NDUFC1: variants seen among roughly 807,000 people sequenced by gnomAD.
NDUFC1 encodes NADH:ubiquinone oxidoreductase subunit C1.
In NDUFC1, 11 loss-of-function variants were observed where a neutral mutation model predicts 11.6. The observed-to-expected ratio is 0.95, with a 90% CI of 0.60 to 1.58. The LOEUF is 1.58. NDUFC1 is among the 40% of genes most tolerant of loss of function. The pLI, the probability that NDUFC1 is intolerant of heterozygous loss-of-function variation, is 0.00. For missense variants in NDUFC1, 112 were observed against 93.0 expected, an observed-to-expected ratio of 1.20 and a Z score of -0.84; for synonymous variants, 52 against 42.2, an observed-to-expected ratio of 1.23 and a Z score of -0.90.
At position 139,295,148 on chromosome 4, in the gene NDUFC1, T is replaced by C. The variant is rs1381939813; in HGVS notation, c.68-2A>G. On this transcript the variant is annotated splice_acceptor_variant, in intron 3 of 5. Coordinates refer to ENST00000394223, the MANE Select transcript of NDUFC1 (RefSeq NM_001184989.2). LOFTEE classifies it high-confidence loss of function. ...CGTAGAACTTTGATCGCACTGAAGC[T>C]GAAAGGGGAAGAGGGTCTGTAAATT... The C allele has an allele frequency of 1.9e-6, 3 of 1,613,216 alleles. No individual in the cohort carries two copies. The African/African-American group carries it at 4.0e-5, about 22-fold the overall frequency.
chr4:139,293,072 G>C (rs1329901702), intron 4 of NDUFC1, among the ~76,000 whole-genome samples: 1 of 152,010 alleles, frequency 6.6e-6, no homozygotes, highest in East Asian at 1.9e-4. Flanking sequence ...CACCCGCCTC[G>C]GCCTCCCAAA....
chr4:139,302,140 T>A, intron 1 of NDUFC1: 3 of 318,748 alleles, frequency 9.4e-6, no homozygotes, highest in Non-Finnish European at 1.7e-5. Context: ...AGGCCCGGCC[T>A]TTGGCGGGCA....
rs370080154 is a variant in NDUFC1, at chr4:139,292,085, C to T, written c.*20+445G>A. ...ATCTCCTGACCTTGTGATCCACCCG[C>T]CTCGGCCTCCCAAAGTGCTGGGATT... is the stretch of plus-strand genomic sequence containing the variant. On this transcript the variant is annotated intron_variant, in intron 5 of 5. Transcript: ENST00000394223. 4.7e-4 allele frequency among the ~76,000 whole-genome samples: 71 copies of T among 152,284 alleles called. 2 individuals carry two copies. The East Asian group carries it at 6.2e-3, about 13-fold the overall frequency.
Position 139,295,145 on chromosome 4 carries a change from A to C in NDUFC1, c.69T>G (p.Pro23=), listed in dbSNP as rs907935396. Residue 23 remains proline (P), a splice_region_variant and synonymous_variant, in exon 4 of 6, where the codon CCT becomes CCG. Transcript: ENST00000394223. ...LLAPARLPSG[P]SVRSKFYVRE... ...GCACGTAGAACTTTGATCGCACTGA[A>C]GCTGAAAGGGGAAGAGGGTCTGTAA... 2 of 1,613,604 alleles carry C rather than the reference A, an allele frequency of 1.2e-6. No homozygotes were observed. Among genetic ancestry groups the C allele is most frequent in the African/African-American group, 2.7e-5 (2 of 75,036 alleles).
intron 1 of NDUFC1, chr4:139,301,662 TG>T: frequency 1.1e-5 from 13 of 1,227,090 alleles, no homozygotes; most frequent in Non-Finnish European, 1.5e-5. Flanking sequence ...GGCCTGGTGG[TG>T]GCGGCGGATC....
intron 1 of NDUFC1, chr4:139,301,547 A>G: frequency 1.7e-6 from 1 of 574,958 alleles, no homozygotes; most frequent in Non-Finnish European, 3.1e-6. Context: ...TGAACCGCCG[A>G]CGGAGACCCG....
At chr4:139,297,593 G>C (rs1369898282) in intron 1 of NDUFC1, 150 bp from the exon 2 acceptor site, 1 of 152,170 alleles carries the variant, frequency 6.6e-6, no homozygotes, top group Non-Finnish European at 1.5e-5. Context: ...GAGAGGATTT[G>C]AGTTAGCAGC....
In NDUFC1 at chr4:139,302,417, TCCTTGTAG is replaced by T; in HGVS notation, c.-231_-224del. 1 of 152,424 alleles carries T rather than the reference TCCTTGTAG, an allele frequency of 6.6e-6. No homozygotes were observed. The highest frequency in any genetic ancestry group is 2.1e-4 in the South Asian group (1 of 4,838). The allele number at this position is 152,424 out of a possible 1,614,324, so 9.4% of individuals were successfully genotyped here. A position where few individuals can be genotyped will look rare whatever the true frequency, so the allele number is the denominator to read the frequency against. On this transcript the variant is annotated splice_region_variant and 5_prime_UTR_variant, in exon 1 of 6. It introduces an in-frame stop codon into an upstream open reading frame of the 5' UTR. Transcript: ENST00000394223. ...AAAGAAAGCTTTTCAAACGACTACC[TCCTTGTAG>T]TCAGTTGCATACTGGAGTCTTCAGC...
chr4:139,294,385 C>A (rs536984992), intron 4 of NDUFC1, among the ~76,000 whole-genome samples: 10 of 152,222 alleles, frequency 6.6e-5, no homozygotes, highest in Admixed American at 5.2e-4. Context: ...CTTACAGCAT[C>A]TGAAAAAGGT....
At chr4:139,302,511 C>G (rs919432124), upstream of NDUFC1, 1 of 152,172 alleles carries the variant, frequency 6.6e-6, no homozygotes, top group African/African-American at 2.4e-5. Flanking sequence ...TCTTAGTTTC[C>G]GAGCGGGAAA....
In NDUFC1 at chr4:139,302,475, T is replaced by G. The variant is rs972165450; in HGVS notation, c.-281A>C. 1.3e-5 allele frequency: 2 copies of G among 152,248 alleles called. No homozygotes were observed. The highest frequency in any genetic ancestry group is 4.8e-5 in the African/African-American group (2 of 41,458). The allele number at this position is 152,248 out of a possible 1,614,324, so 9.4% of individuals were successfully genotyped here. A position where few individuals can be genotyped will look rare whatever the true frequency, so the allele number is the denominator to read the frequency against. Reference sequence around the variant, plus strand: ...CTCCTCTGCCTCCGTTGTTCTCGTTTCTGGAGTAGGGATGAGGCATTTATT... The same window carrying G: ...CTCCTCTGCCTCCGTTGTTCTCGTTGCTGGAGTAGGGATGAGGCATTTATT... On this transcript the variant is annotated 5_prime_UTR_variant, in exon 1 of 6. Transcript: ENST00000394223.
At chr4:139,301,673 C>G (rs558647234) in intron 1 of NDUFC1, 1 of 1,317,114 alleles carries the variant, frequency 7.6e-7, no homozygotes, top group Non-Finnish European at 1.0e-6. Context: ...GGCGGCGGAT[C>G]GAGATATTCA....
At chr4:139,300,171 A>C (rs1361659977) in intron 1 of NDUFC1, among the ~76,000 whole-genome samples, 1 of 152,216 alleles carries the variant, frequency 6.6e-6, no homozygotes, top group Non-Finnish European at 1.5e-5. Context: ...TTCAAACTGA[A>C]ACATAGTTTC....
intron 1 of NDUFC1, chr4:139,301,822 G>A: frequency 6.3e-7 from 1 of 1,594,012 alleles, no homozygotes; most frequent in Non-Finnish European, 8.5e-7. Context: ...CGCTCTTCAA[G>A]CGGATCTTGG....
chr4:139,292,398 C>A, intron 5 of NDUFC1, 132 bp downstream of exon 5: 1 of 363,376 alleles, frequency 2.8e-6, no homozygotes. Context: ...ATAAATTTGT[C>A]ACAGACAGAA....
At chr4:139,293,968 G>A (rs1745345747) in intron 4 of NDUFC1, among the ~76,000 whole-genome samples, 1 of 109,810 alleles carries the variant, frequency 9.1e-6, no homozygotes, top group Non-Finnish European at 1.7e-5. Flanking sequence ...TTGAGACAGA[G>A]TCTCGCTGTA....
chr4:139,292,362 T>A (rs983043344), intron 5 of NDUFC1, among the ~76,000 whole-genome samples, 168 bp downstream of exon 5: 1 of 147,988 alleles, frequency 6.8e-6, no homozygotes, highest in Non-Finnish European at 1.5e-5. Context: ...CAAAACCAAC[T>A]GCTTGAGGCA....
intron 5 of NDUFC1, 93 bp downstream of exon 5, chr4:139,292,437 T>C (rs937483483): frequency 1.9e-6 from 1 of 537,590 alleles, no homozygotes; most frequent in Non-Finnish European, 3.1e-6. Flanking sequence ...ATAAACCTAA[T>C]ACAAAACAAA....
At chr4:139,295,678 C>T in intron 3 of NDUFC1, 54 bp downstream of exon 3, 1 of 1,523,442 alleles carries the variant, frequency 6.6e-7, no homozygotes, top group Non-Finnish European at 8.8e-7. Context: ...GCTGGGTCCG[C>T]CTTAGGAGGG....
Sources: gnomAD v4.1 joint callset for allele counts (sites outside exome capture counted in the v4.1 genomes callset) on GRCh38, gnomAD v4.1.1 for gene constraint, MANE v1.5 for transcripts, NCBI Gene and HGNC (gene_info 2026-07-23, HGNC 2026-07-21) for gene names.